Variants in MOCOS observed in about 807,000 individuals in gnomAD.
MOCOS encodes the protein human molybdenum cofactor sulfurase.
In MOCOS, 86 loss-of-function variants were observed where a neutral mutation model predicts 83.6. The ratio of observed to expected loss-of-function variants is 1.03; its 90% CI spans 0.86 to 1.23. MOCOS has a LOEUF of 1.23. MOCOS is among the 50% of genes most tolerant of loss of function. The pLI, the probability that MOCOS is intolerant of heterozygous loss-of-function variation, is 0.00. For missense variants in MOCOS, 1,120 were observed against 1,126.9 expected (o/e 0.99, Z 0.09); for synonymous variants, 445 against 434.7 (o/e 1.02, Z -0.29).
At chr18:36,219,188 ATTTTATTTTT>A (rs1568056275) in intron 8 of MOCOS, among the ~76,000 whole-genome samples, 1 of 146,308 alleles carries the variant, frequency 6.8e-6, no homozygotes, top group African/African-American at 2.6e-5. Flanking sequence ...TTATTATTTT[ATTTTATTTTT>A]TTTTTTGACA....
chr18:36,261,580 T>A (rs1192722309), intron 13 of MOCOS, among the ~76,000 whole-genome samples: 3 of 152,168 alleles, frequency 2.0e-5, no homozygotes, highest in Non-Finnish European at 4.4e-5. Context: ...ATTTTAGAGA[T>A]CTGGGGTATA....
At chr18:36,251,689 C>A (rs149580814) in intron 11 of MOCOS, among the ~76,000 whole-genome samples, 2 of 152,180 alleles carry the variant, frequency 1.3e-5, no homozygotes, top group African/African-American at 4.8e-5. Context: ...AATCCTTGAA[C>A]CCCATGGTGC....
In MOCOS at chr18:36,268,537, A is replaced by G; in HGVS notation, c.2519A>G (p.Asn840Ser). Residue 840 changes from asparagine to serine, a missense_variant, in exon 15 of 15, where the codon AAC becomes AGC. Coordinates refer to ENST00000261326, the MANE Select transcript of MOCOS (RefSeq NM_017947.4). ...KLSESRETKV[N>S]FGMYLMHASL... ...TTGTTGCTGTTTTGTTCACAGGTGA[A>G]CTTTGGCATGTACCTGATGCATGCA... 6.2e-7 allele frequency: 1 copy of G among 1,614,094 alleles called. No homozygotes were observed. The highest frequency in any genetic ancestry group is 1.3e-5 in the African/African-American group (1 of 75,018).
At chr18:36,223,400 A>G (rs2091504167) in intron 9 of MOCOS, among the ~76,000 whole-genome samples, 1 of 152,182 alleles carries the variant, frequency 6.6e-6, no homozygotes, top group African/African-American at 2.4e-5. Flanking sequence ...ATGTAACCAT[A>G]TATGCATGGA....
At chr18:36,203,497 T>C (rs536910266) in intron 5 of MOCOS, among the ~76,000 whole-genome samples, 8 of 152,278 alleles carry the variant, frequency 5.3e-5, no homozygotes, top group African/African-American at 1.9e-4. Flanking sequence ...TGGTTACAGA[T>C]CCTGAGGCCT....
rs1054153876 is a variant in MOCOS, at chr18:36,269,732, A to G, written c.*1047A>G. On this transcript the variant is annotated 3_prime_UTR_variant, in exon 15 of 15. Coordinates refer to ENST00000261326, the MANE Select transcript of MOCOS (RefSeq NM_017947.4). Reference sequence around the variant, plus strand: ...GGCGTCCTTCTGAAGCCTGCTGTCCATGTGTGAACCCAGTCCCTTCATCAT... The same window carrying G: ...GGCGTCCTTCTGAAGCCTGCTGTCCGTGTGTGAACCCAGTCCCTTCATCAT... 5 of 152,312 alleles carry G rather than the reference A, an allele frequency of 3.3e-5. No homozygotes were observed. In the East Asian group the frequency reaches 7.7e-4, roughly 23 times the overall value. The allele number at this position is 152,312 out of a possible 1,614,324, so 9.4% of individuals were successfully genotyped here. A position where few individuals can be genotyped will look rare whatever the true frequency, so the allele number is the denominator to read the frequency against.
At chr18:36,237,599 T>C (rs1270361560) in intron 9 of MOCOS, among the ~76,000 whole-genome samples, 1 of 152,100 alleles carries the variant, frequency 6.6e-6, no homozygotes, top group Non-Finnish European at 1.5e-5. Flanking sequence ...TTCTCTTCTT[T>C]GGTTGTGTCT....
intron 11 of MOCOS, among the ~76,000 whole-genome samples, chr18:36,251,580 C>A (rs1221750131): frequency 6.6e-6 from 1 of 152,150 alleles, no homozygotes; most frequent in Non-Finnish European, 1.5e-5. Flanking sequence ...TAAATAAAAA[C>A]CCTAATAGCT....
chr18:36,213,307 C>T, intron 6 of MOCOS, 59 bp from the exon 7 acceptor site: 2 of 1,304,786 alleles, frequency 1.5e-6, no homozygotes, highest in Non-Finnish European at 2.2e-6. Context: ...TGATCTGAAT[C>T]TCTCAGAGTA....
chr18:36,248,300 G>GT (rs972250226), intron 9 of MOCOS, among the ~76,000 whole-genome samples: 2 of 151,606 alleles, frequency 1.3e-5, no homozygotes, highest in African/African-American at 2.4e-5. Context: ...TGAATTACTT[G>GT]TTTTTTTTCA....
Position 36,206,838 on chromosome 18 carries a change from T to C in MOCOS, c.1218+1562T>C, listed in dbSNP as rs564341951. 1.5e-3 allele frequency among the ~76,000 whole-genome samples: 236 copies of C among 152,320 alleles called. 2 individuals are homozygous for C. Among genetic ancestry groups the C allele is most frequent in the African/African-American group, 5.3e-3 (222 of 41,568 alleles). ...GTTTCATTTTTTTGTGGCTGTGTAG[T>C]ATCCCAGGGTGTAAATGTACCACAT... is the stretch of plus-strand genomic sequence containing the variant. On this transcript the variant is annotated intron_variant, in intron 6 of 14. Coordinates refer to ENST00000261326, the MANE Select transcript of MOCOS (RefSeq NM_017947.4).
chr18:36,248,383 A>G (rs2144137207), intron 9 of MOCOS, among the ~76,000 whole-genome samples: 1 of 152,048 alleles, frequency 6.6e-6, no homozygotes, highest in South Asian at 2.1e-4. Context: ...ATTTCCTCTC[A>G]TTCTGTTGGT....
At chr18:36,266,030 G>C (rs1050382227) in intron 13 of MOCOS, among the ~76,000 whole-genome samples, 1 of 152,098 alleles carries the variant, frequency 6.6e-6, no homozygotes, top group Non-Finnish European at 1.5e-5. Context: ...TGGGCTTCTC[G>C]TTCCTTTCTT....
At chr18:36,196,382 A>G (rs1293997455) in intron 2 of MOCOS, among the ~76,000 whole-genome samples, 2 of 152,172 alleles carry the variant, frequency 1.3e-5, no homozygotes, top group African/African-American at 2.4e-5. Flanking sequence ...AGGTGAAGAA[A>G]TGGGGCCCCA....
chr18:36,246,857 G>T (rs1448540609), intron 9 of MOCOS, among the ~76,000 whole-genome samples: 1 of 152,178 alleles, frequency 6.6e-6, no homozygotes, highest in African/African-American at 2.4e-5. Flanking sequence ...ATATAATTTT[G>T]CCCTGCCTTG....
rs552526745 is a variant in MOCOS, at chr18:36,257,078, G to A, written c.2270+5G>A. 2.2e-5 allele frequency: 35 copies of A among 1,609,690 alleles called. No homozygotes were observed. The South Asian group carries it at 3.6e-4, about 17-fold the overall frequency. ...TCACCGGCAACTAAACACCAGGTAA[G>A]ACCTCATACCTCGGGACTAGCAGAC... is the stretch of plus-strand genomic sequence containing the variant. On this transcript the variant is annotated splice_donor_5th_base_variant and intron_variant, in intron 12 of 14. Coordinates refer to ENST00000261326, the MANE Select transcript of MOCOS (RefSeq NM_017947.4).
In MOCOS at chr18:36,267,004, T is replaced by G. The variant is rs1598598479; in HGVS notation, c.2514+151T>G. 5.7e-6 allele frequency: 4 copies of G among 696,366 alleles called. No homozygotes were observed. In the East Asian group the frequency reaches 1.1e-4, roughly 19 times the overall value. The allele number at this position is 696,366 out of a possible 1,614,324, so 43.1% of individuals were successfully genotyped here. ...GGGCTGCCATTAACCTATCCTTGTTTGTAGTTTCATTTTATTTTTCCTTTC... is the reference window on the plus strand; with the variant it reads ...GGGCTGCCATTAACCTATCCTTGTTGGTAGTTTCATTTTATTTTTCCTTTC... On this transcript the variant is annotated intron_variant, in intron 14 of 14. Coordinates refer to ENST00000261326, the MANE Select transcript of MOCOS (RefSeq NM_017947.4).
At position 36,248,966 on chromosome 18, in the gene MOCOS, A is replaced by G. The variant is rs1273366407; in HGVS notation, c.2005A>G (p.Thr669Ala). ...GCCTCTTGAGGAAAATAGTGAACGG[A>G]CTCAGATTCGCCAAAGCAGGGTCTG... ...EVPLEENSERTQIRQSRVCAD... is the reference protein window; with the variant it reads ...EVPLEENSERAQIRQSRVCAD... Residue 669 changes from threonine to alanine, a missense_variant, in exon 10 of 15, where the codon ACT (threonine) becomes GCT (alanine). Coordinates refer to ENST00000261326, the MANE Select transcript of MOCOS (RefSeq NM_017947.4). 1 of 1,614,150 alleles carries G rather than the reference A, an allele frequency of 6.2e-7. No homozygotes were observed. Among genetic ancestry groups the G allele is most frequent in the Non-Finnish European group, 8.5e-7 (1 of 1,180,030 alleles).
At chr18:36,213,921 A>G (rs1314860765) in intron 7 of MOCOS, among the ~76,000 whole-genome samples, 3 of 145,556 alleles carry the variant, frequency 2.1e-5, no homozygotes, top group East Asian at 4.0e-4. Context: ...ACAGAGCAAG[A>G]CTCCATCCCC....
Sources: allele counts gnomAD v4.1 joint callset (sites outside exome capture counted in the v4.1 genomes callset), GRCh38; gene constraint gnomAD v4.1.1; transcripts MANE v1.5; gene names NCBI Gene and HGNC (gene_info 2026-07-23, HGNC 2026-07-21).